SUGCT: variants seen among roughly 807,000 people sequenced by gnomAD.
SUGCT encodes the protein succinyl-CoA:glutarate CoA-transferase.
In SUGCT, 41 loss-of-function variants were observed where a neutral mutation model predicts 55.0. The ratio of observed to expected loss-of-function variants is 0.74; its 90% CI spans 0.58 to 0.97. The LOEUF (loss-of-function observed/expected upper bound fraction) is 0.97, where lower values mean the gene tolerates loss of function less well. SUGCT is among the 50% of genes least tolerant of loss of function. SUGCT has a pLI of 0.00. For missense variants in SUGCT, 568 were observed against 547.8 expected (o/e 1.04, Z -0.37); for synonymous variants, 187 against 200.4 (o/e 0.93, Z 0.56).
intron 6 of SUGCT, among the ~76,000 whole-genome samples, chr7:40,230,605 G>C (rs893825267): frequency 6.6e-6 from 1 of 152,130 alleles, no homozygotes; most frequent in African/African-American, 2.4e-5. Context: ...ATTGGATATA[G>C]GCAGGAAGTA....
At chr7:40,532,998 T>C (rs35407856) in intron 12 of SUGCT, among the ~76,000 whole-genome samples, 4,176 of 152,232 alleles carry the variant, frequency 0.027, 192 homozygotes, top group African/African-American at 0.097. Context: ...CTAAATCCCT[T>C]TATAAACCCT....
chr7:41,035,180 C>T, the SUGCT span, among the ~76,000 whole-genome samples: 2 of 152,208 alleles, frequency 1.3e-5, no homozygotes, highest in Non-Finnish European at 1.5e-5. Context: ...CTACAGTATT[C>T]GTATCGCTGA....
intron 13 of SUGCT, among the ~76,000 whole-genome samples, chr7:40,851,315 T>C (rs538234196): frequency 1.7e-4 from 25 of 142,886 alleles, no homozygotes; most frequent in South Asian, 4.6e-4. Flanking sequence ...AATGCATTTG[T>C]AAATGTAAAA....
chr7:40,614,797 C>T (rs1021206162), intron 12 of SUGCT, among the ~76,000 whole-genome samples: 21 of 152,106 alleles, frequency 1.4e-4, no homozygotes, highest in Admixed American at 8.5e-4. Flanking sequence ...ATGTGGCTCA[C>T]GCCTGTAATC....
the SUGCT span, among the ~76,000 whole-genome samples, chr7:40,986,795 T>C: frequency 1.3e-5 from 2 of 152,072 alleles, no homozygotes; most frequent in Non-Finnish European, 2.9e-5. Flanking sequence ...ACGAGGAATG[T>C]TTTAAATCAG....
At chr7:41,017,535 C>G in the SUGCT span, among the ~76,000 whole-genome samples, 1 of 152,106 alleles carries the variant, frequency 6.6e-6, no homozygotes, top group Non-Finnish European at 1.5e-5. Context: ...CTTTGGGAGG[C>G]TGAGGCAGGC....
At chr7:40,885,342 T>C in the SUGCT span, among the ~76,000 whole-genome samples, 1 of 152,156 alleles carries the variant, frequency 6.6e-6, no homozygotes. Flanking sequence ...TTCCCACCAC[T>C]TCTTCCTTCT....
At chr7:40,236,273 G>T (rs533094357) in intron 6 of SUGCT, among the ~76,000 whole-genome samples, 1 of 151,806 alleles carries the variant, frequency 6.6e-6, no homozygotes, top group South Asian at 2.1e-4. Flanking sequence ...GGCCAGGCTG[G>T]TCTTGAACTC....
At chr7:40,537,759 A>G (rs1196100569) in intron 12 of SUGCT, among the ~76,000 whole-genome samples, 1 of 152,228 alleles carries the variant, frequency 6.6e-6, no homozygotes, top group Non-Finnish European at 1.5e-5. Flanking sequence ...TCAGGAAACT[A>G]TCTGATCATG....
chr7:40,231,147 G>T (rs1298737815), intron 6 of SUGCT, among the ~76,000 whole-genome samples: 2 of 152,170 alleles, frequency 1.3e-5, no homozygotes, highest in Admixed American at 6.5e-5. Context: ...CAGAAACTCA[G>T]TTGCCAGGAG....
At chr7:40,888,586 A>T in the SUGCT span, among the ~76,000 whole-genome samples, 3 of 152,340 alleles carry the variant, frequency 2.0e-5, no homozygotes, top group Middle Eastern at 3.4e-3. Context: ...TTGTGCTTTA[A>T]GGCACATTCA....
chr7:40,842,543 CTTG>C (rs1793328776), intron 13 of SUGCT, among the ~76,000 whole-genome samples: 1 of 152,062 alleles, frequency 6.6e-6, no homozygotes, highest in African/African-American at 2.4e-5. Flanking sequence ...CTTTTGCATT[CTTG>C]TTTATTTCTG....
At chr7:40,774,043 A>G (rs771744494) in intron 13 of SUGCT, among the ~76,000 whole-genome samples, 3 of 152,148 alleles carry the variant, frequency 2.0e-5, no homozygotes, top group Non-Finnish European at 4.4e-5. Flanking sequence ...CACTACATCA[A>G]ATTTTAGAAT....
intron 12 of SUGCT, among the ~76,000 whole-genome samples, chr7:40,624,035 A>G (rs1386257257): frequency 1.3e-5 from 2 of 152,192 alleles, no homozygotes; most frequent in Admixed American, 1.3e-4. Flanking sequence ...TCAAATGGAC[A>G]TGCGTTAAAC....
At chr7:40,600,923 G>C (rs1487128826) in intron 12 of SUGCT, among the ~76,000 whole-genome samples, 1 of 151,986 alleles carries the variant, frequency 6.6e-6, no homozygotes, top group East Asian at 1.9e-4. Flanking sequence ...AGGTACTTAT[G>C]TTCAACACTA....
chr7:40,514,162 CAG>C (rs1793104374), intron 12 of SUGCT, among the ~76,000 whole-genome samples: 1 of 151,296 alleles, frequency 6.6e-6, no homozygotes, highest in South Asian at 2.1e-4. Context: ...TTCAGTGACT[CAG>C]AAACTTATGC....
chr7:40,364,017 A>G (rs1370092324), intron 9 of SUGCT, among the ~76,000 whole-genome samples: 2 of 151,728 alleles, frequency 1.3e-5, no homozygotes, highest in East Asian at 1.9e-4. Context: ...GTGCATATAT[A>G]TTTAGGATAG....
At chr7:40,547,732 ATG>A (rs1028791498) in intron 12 of SUGCT, among the ~76,000 whole-genome samples, 2 of 152,186 alleles carry the variant, frequency 1.3e-5, no homozygotes, top group Admixed American at 6.5e-5. Flanking sequence ...AATTTTGTGT[ATG>A]TGTAGTTTTA....
At chr7:40,334,549 T>C (rs1042563030) in intron 9 of SUGCT, among the ~76,000 whole-genome samples, 6 of 152,242 alleles carry the variant, frequency 3.9e-5, no homozygotes, top group African/African-American at 1.4e-4. Flanking sequence ...ATAAATGTCT[T>C]CTTTTGAGAA....
Sources: allele counts gnomAD v4.1 joint callset (sites outside exome capture counted in the v4.1 genomes callset), GRCh38; gene constraint gnomAD v4.1.1; transcripts MANE v1.5; gene names NCBI Gene and HGNC (gene_info 2026-07-23, HGNC 2026-07-21).